The following HYCC2 variants were observed in gnomAD, a reference collection of about 807,000 sequenced individuals.
HYCC2 encodes the protein hyccin PI4KA lipid kinase complex subunit 2.
chr2:201,035,564 G>A, the HYCC2 span, among the ~76,000 whole-genome samples: 3 of 152,160 alleles, frequency 2.0e-5, no homozygotes, highest in African/African-American at 4.8e-5. Flanking sequence ...CCTTTAGCTC[G>A]GAGTAGTCTG....
At chr2:201,044,801 T>A in the HYCC2 span, among the ~76,000 whole-genome samples, 1 of 152,284 alleles carries the variant, frequency 6.6e-6, no homozygotes, top group South Asian at 2.1e-4. Flanking sequence ...CAGAGATTAT[T>A]CATCCATTCT....
At chr2:200,999,812 C>A in the HYCC2 span, among the ~76,000 whole-genome samples, 2 of 150,318 alleles carry the variant, frequency 1.3e-5, no homozygotes, top group Admixed American at 6.7e-5. Context: ...ATCTGTAATC[C>A]CAGCACATTG....
the HYCC2 span, chr2:201,024,157 C>T: frequency 1.8e-6 from 1 of 568,880 alleles, no homozygotes. Context: ...GATAAGGTGA[C>T]TTGTCTTAGT....
chr2:201,001,172 G>C, the HYCC2 span, among the ~76,000 whole-genome samples: 2 of 151,520 alleles, frequency 1.3e-5, no homozygotes, highest in African/African-American at 4.8e-5. Flanking sequence ...GGGCCTTTGG[G>C]ACACGATTAG....
the HYCC2 span, among the ~76,000 whole-genome samples, chr2:201,011,873 A>G: frequency 6.6e-6 from 1 of 152,226 alleles, no homozygotes; most frequent in Non-Finnish European, 1.5e-5. Flanking sequence ...TATCCAAGAG[A>G]TCCACACTTA....
the HYCC2 span, among the ~76,000 whole-genome samples, chr2:201,040,976 G>C: frequency 6.6e-6 from 1 of 152,156 alleles, no homozygotes; most frequent in Admixed American, 6.5e-5. Flanking sequence ...CTAAGGTTAA[G>C]GTCACTTACT....
the HYCC2 span, among the ~76,000 whole-genome samples, chr2:200,993,211 T>C: frequency 6.6e-6 from 1 of 152,228 alleles, no homozygotes. Flanking sequence ...ATCTGTGCTC[T>C]CATAAAGCAC....
the HYCC2 span, among the ~76,000 whole-genome samples, chr2:201,035,353 C>G: frequency 1.3e-5 from 2 of 152,056 alleles, no homozygotes; most frequent in Non-Finnish European, 2.9e-5. Flanking sequence ...TCATTCATTT[C>G]ATCTTCCATC....
the HYCC2 span, among the ~76,000 whole-genome samples, chr2:201,053,095 A>C: frequency 6.6e-6 from 1 of 152,066 alleles, no homozygotes; most frequent in East Asian, 1.9e-4. Context: ...TACAGTGAAC[A>C]CAGATCCAGT....
At chr2:200,987,096 G>A in the HYCC2 span, among the ~76,000 whole-genome samples, 1 of 152,184 alleles carries the variant, frequency 6.6e-6, no homozygotes, top group Non-Finnish European at 1.5e-5. Context: ...TTTGGAGACA[G>A]GACCCTGCCT....
chr2:201,070,483 T>A, the HYCC2 span, among the ~76,000 whole-genome samples: 1 of 152,056 alleles, frequency 6.6e-6, no homozygotes, highest in Non-Finnish European at 1.5e-5. Context: ...AGAAACCCCG[T>A]ATCTACTAAA....
the HYCC2 span, among the ~76,000 whole-genome samples, chr2:201,017,880 A>G: frequency 1.1e-4 from 16 of 152,238 alleles, no homozygotes; most frequent in African/African-American, 2.9e-4. Context: ...CTTCACTGCA[A>G]TATGAAATTT....
chr2:201,009,899 C>A, the HYCC2 span, among the ~76,000 whole-genome samples: 3 of 151,848 alleles, frequency 2.0e-5, no homozygotes, highest in East Asian at 5.9e-4. Flanking sequence ...GTCAGGATAT[C>A]AAGACCATCC....
At chr2:201,011,473 C>CA in the HYCC2 span, 1 of 1,534,030 alleles carries the variant, frequency 6.5e-7, no homozygotes, top group South Asian at 1.3e-5. Flanking sequence ...CAGCGATTTC[C>CA]TATAGTCAAA....
chr2:201,043,578 A>C, the HYCC2 span, among the ~76,000 whole-genome samples: 1 of 146,304 alleles, frequency 6.8e-6, no homozygotes, highest in African/African-American at 2.5e-5. Flanking sequence ...GCGTGATCTC[A>C]GCTCACTGCA....
the HYCC2 span, among the ~76,000 whole-genome samples, chr2:200,986,439 T>C: frequency 2.0e-5 from 3 of 152,180 alleles, no homozygotes; most frequent in Non-Finnish European, 4.4e-5. Flanking sequence ...ACAGTAGCAA[T>C]ACATTAAATA....
chr2:201,046,125 C>T, the HYCC2 span, among the ~76,000 whole-genome samples: 12 of 152,034 alleles, frequency 7.9e-5, no homozygotes, highest in African/African-American at 2.9e-4. Context: ...TAGAAAAGAA[C>T]ACAAAAAATG....
the HYCC2 span, chr2:200,992,500 T>A: frequency 1.4e-6 from 1 of 692,330 alleles, no homozygotes; most frequent in Non-Finnish European, 2.6e-6. Context: ...TCATTTCATT[T>A]ATAAACTATC....
the HYCC2 span, chr2:200,987,476 G>A: frequency 7.8e-7 from 1 of 1,289,818 alleles, no homozygotes; most frequent in Non-Finnish European, 1.0e-6. Flanking sequence ...GTGGAGCCGT[G>A]TTGGATCGGG....
Sources: gnomAD v4.1 joint callset for allele counts (sites outside exome capture counted in the v4.1 genomes callset) on GRCh38, gnomAD v4.1.1 for gene constraint, MANE v1.5 for transcripts, NCBI Gene and HGNC (gene_info 2026-07-23, HGNC 2026-07-21) for gene names.